Variants in EYS observed in about 807,000 individuals in gnomAD.
The protein encoded by EYS is EGF-like photoreceptor maintenance factor.
Under a neutral mutation model 282.1 loss-of-function variants are expected in EYS, and 250 were observed. The observed-to-expected ratio is 0.89, with a 90% CI of 0.80 to 0.98. The LOEUF (loss-of-function observed/expected upper bound fraction) is 0.98. Ranked by LOEUF, EYS falls within the 50% of genes least tolerant of loss-of-function variation. The pLI, the probability that EYS is intolerant of heterozygous loss-of-function variation, is 0.00. For missense variants in EYS, 4,016 were observed against 3,709.0 expected (o/e 1.08, Z -2.15); for synonymous variants, 1,355 against 1,282.9 (o/e 1.06, Z -1.20).
At chr6:64,282,380 C>A (rs561812408) in intron 30 of EYS, among the ~76,000 whole-genome samples, 1 of 152,224 alleles carries the variant, frequency 6.6e-6, no homozygotes, top group African/African-American at 2.4e-5. Context: ...AGAAGTCCAA[C>A]ACTTGAAGGA....
At chr6:65,169,300 C>T (rs1765048942) in intron 12 of EYS, among the ~76,000 whole-genome samples, 1 of 151,488 alleles carries the variant, frequency 6.6e-6, no homozygotes, top group Admixed American at 6.6e-5. Flanking sequence ...TACCCAATGT[C>T]CACATAAATC....
intron 12 of EYS, among the ~76,000 whole-genome samples, chr6:65,111,864 C>G (rs758974402): frequency 1.3e-5 from 2 of 152,092 alleles, no homozygotes; most frequent in Non-Finnish European, 2.9e-5. Context: ...CAAAAAGTTA[C>G]CCATGTTAAC....
At chr6:65,584,941 T>G (rs1378381545) in intron 2 of EYS, among the ~76,000 whole-genome samples, 1 of 151,078 alleles carries the variant, frequency 6.6e-6, no homozygotes, top group African/African-American at 2.4e-5. Flanking sequence ...CTCCAAACTT[T>G]GTGATTTTAT....
intron 26 of EYS, among the ~76,000 whole-genome samples, chr6:64,586,214 C>T (rs1766229347): frequency 6.6e-6 from 1 of 151,968 alleles, no homozygotes; most frequent in African/African-American, 2.4e-5. Context: ...GGCATTTCTT[C>T]CACATGAGGA....
chr6:65,147,188 T>C (rs930571139), intron 12 of EYS, among the ~76,000 whole-genome samples: 6 of 152,038 alleles, frequency 3.9e-5, no homozygotes, highest in Non-Finnish European at 7.4e-5. Context: ...TTTTAATCTA[T>C]AAATAATTTA....
At chr6:64,223,112 C>A (rs879579009) in intron 31 of EYS, among the ~76,000 whole-genome samples, 6 of 151,892 alleles carry the variant, frequency 4.0e-5, no homozygotes, top group Non-Finnish European at 8.8e-5. Flanking sequence ...AGGCCTTTCT[C>A]CACTCCCAGT....
At chr6:64,114,923 C>T (rs577887163) in intron 31 of EYS, among the ~76,000 whole-genome samples, 275 of 152,244 alleles carry the variant, frequency 1.8e-3, no homozygotes, top group Non-Finnish European at 3.5e-3. Context: ...GACCTAGATC[C>T]CCAGCTCCCC....
intron 31 of EYS, among the ~76,000 whole-genome samples, chr6:64,157,018 A>G (rs1002513854): frequency 1.3e-5 from 2 of 150,346 alleles, no homozygotes; most frequent in Admixed American, 6.6e-5. Context: ...AGCATTAGGT[A>G]TATCTCCCAA....
chr6:64,097,300 G>T (rs1310924877), intron 31 of EYS, among the ~76,000 whole-genome samples: 1 of 152,196 alleles, frequency 6.6e-6, no homozygotes, highest in Non-Finnish European at 1.5e-5. Context: ...GGACATTTAA[G>T]TCTGCAGAGG....
intron 12 of EYS, among the ~76,000 whole-genome samples, chr6:65,210,947 C>G (rs1766161895): frequency 6.6e-6 from 1 of 151,730 alleles, no homozygotes; most frequent in Non-Finnish European, 1.5e-5. Context: ...CACACACACA[C>G]ACACACACAC....
intron 35 of EYS, among the ~76,000 whole-genome samples, chr6:63,867,344 C>T (rs756368764): frequency 1.7e-4 from 26 of 151,952 alleles, no homozygotes; most frequent in Non-Finnish European, 2.8e-4. Context: ...AAAATTTTAT[C>T]CTTCACAAGA....
chr6:64,388,064 C>T (rs1017395392), intron 29 of EYS, among the ~76,000 whole-genome samples: 1 of 152,082 alleles, frequency 6.6e-6, no homozygotes, highest in Non-Finnish European at 1.5e-5. Flanking sequence ...TAATAAGCTA[C>T]TGGTATACTT....
chr6:64,007,335 G>T (rs565426270), intron 33 of EYS, among the ~76,000 whole-genome samples: 3 of 150,548 alleles, frequency 2.0e-5, no homozygotes, highest in Non-Finnish European at 4.4e-5. Flanking sequence ...GGGGTTGGTG[G>T]TAATGTCCCC....
intron 22 of EYS, among the ~76,000 whole-genome samples, chr6:64,777,466 A>G (rs1773715255): frequency 6.6e-6 from 1 of 152,046 alleles, no homozygotes; most frequent in Non-Finnish European, 1.5e-5. Flanking sequence ...CTCTGCACCT[A>G]TTTTTCTGTG....
intron 31 of EYS, among the ~76,000 whole-genome samples, chr6:64,097,875 C>T (rs1772685877): frequency 1.3e-5 from 2 of 152,048 alleles, no homozygotes; most frequent in Non-Finnish European, 2.9e-5. Context: ...GGACAAATTA[C>T]AAAAAGAGAC....
At chr6:65,048,397 C>A (rs893426278) in intron 13 of EYS, among the ~76,000 whole-genome samples, 5 of 151,840 alleles carry the variant, frequency 3.3e-5, no homozygotes, top group African/African-American at 7.2e-5. Context: ...ACTGTCCAAT[C>A]CTATTTAGGA....
At chr6:64,455,292 A>G (rs1429514575) in intron 26 of EYS, among the ~76,000 whole-genome samples, 1 of 152,118 alleles carries the variant, frequency 6.6e-6, no homozygotes, top group African/African-American at 2.4e-5. Flanking sequence ...AAAATAGTTT[A>G]CTAGTTTATT....
intron 2 of EYS, among the ~76,000 whole-genome samples, chr6:65,571,121 T>TG (rs1764464369): frequency 6.6e-6 from 1 of 152,064 alleles, no homozygotes; most frequent in South Asian, 2.1e-4. Context: ...GGCTTTCAGC[T>TG]GGGGCATTTG....
intron 11 of EYS, among the ~76,000 whole-genome samples, chr6:65,320,940 A>G (rs1769457432): frequency 6.6e-6 from 1 of 152,294 alleles, no homozygotes; most frequent in South Asian, 2.1e-4. Flanking sequence ...GGCTAAGGCA[A>G]TCAGGTCTGC....
Sources: gnomAD v4.1 joint callset for allele counts (sites outside exome capture counted in the v4.1 genomes callset) on GRCh38, gnomAD v4.1.1 for gene constraint, MANE v1.5 for transcripts, NCBI Gene and HGNC (gene_info 2026-07-23, HGNC 2026-07-21) for gene names.